OCA2: variants seen among roughly 807,000 people sequenced by gnomAD.
OCA2 encodes P protein.
A neutral mutation model predicts 100.2 loss-of-function variants in OCA2; 77 were observed. The observed-to-expected ratio is 0.77, with a 90% CI of 0.64 to 0.93. OCA2 has a LOEUF of 0.93. OCA2 is among the 40% of genes least tolerant of loss of function. The probability of loss-of-function intolerance (pLI) is 0.00; values close to 1 mark genes in which losing one functional copy is unlikely to be tolerated. For synonymous variants in OCA2, 432 were observed against 439.2 expected (o/e 0.98, Z 0.21); for missense variants, 1,062 against 1,089.1 (o/e 0.98, Z 0.35).
At chr15:27,924,542 G>A (rs1186290251) in intron 19 of OCA2, among the ~76,000 whole-genome samples, 1 of 152,008 alleles carries the variant, frequency 6.6e-6, no homozygotes, top group African/African-American at 2.4e-5. Flanking sequence ...GAGGACAAAT[G>A]GAGCTCTACT....
intron 23 of OCA2, among the ~76,000 whole-genome samples, chr15:27,842,483 CA>C (rs2035377258): frequency 6.6e-6 from 1 of 152,146 alleles, no homozygotes; most frequent in African/African-American, 2.4e-5. Flanking sequence ...AGATAAAAGT[CA>C]AATCAGTGCA....
intron 18 of OCA2, among the ~76,000 whole-genome samples, chr15:27,946,783 A>G (rs968063303): frequency 1.3e-5 from 2 of 152,232 alleles, no homozygotes; most frequent in African/African-American, 4.8e-5. Context: ...CAGGTCATTG[A>G]AACCAGAATC....
intron 14 of OCA2, among the ~76,000 whole-genome samples, chr15:27,982,573 C>T (rs1015492551): frequency 3.9e-5 from 6 of 152,142 alleles, no homozygotes; most frequent in Admixed American, 1.3e-4. Context: ...TTCCATGAAG[C>T]GGCCATTAAC....
intron 1 of OCA2, among the ~76,000 whole-genome samples, chr15:28,087,188 T>C (rs1003848028): frequency 6.6e-6 from 1 of 151,900 alleles, no homozygotes; most frequent in African/African-American, 2.4e-5. Flanking sequence ...AAGAGAGAAA[T>C]TAAAATGTCC....
At chr15:27,770,915 C>CTCCCTCCCTCTTTTTTCTTCCT in intron 23 of OCA2, among the ~76,000 whole-genome samples, 1 of 111,390 alleles carries the variant, frequency 9.0e-6, no homozygotes, top group Non-Finnish European at 1.8e-5. Flanking sequence ...TCCTTCCCTC[C>CTCCCTCCCTCTTTTTTCTTCCT]TCCCTCCCTC....
downstream of OCA2, among the ~76,000 whole-genome samples, chr15:27,750,938 C>T (rs1270516540): frequency 6.6e-6 from 1 of 152,110 alleles, no homozygotes; most frequent in Non-Finnish European, 1.5e-5. Context: ...GCTTCCCAGA[C>T]CTGAGAGTGT....
chr15:28,068,187 C>T (rs114385276), intron 2 of OCA2, among the ~76,000 whole-genome samples: 214 of 152,220 alleles, frequency 1.4e-3, no homozygotes, highest in African/African-American at 4.9e-3. Context: ...GTAGATTTTA[C>T]TCCACCCTTT....
intron 14 of OCA2, among the ~76,000 whole-genome samples, chr15:27,981,378 T>C (rs74956255): frequency 0.01 from 1,590 of 152,326 alleles, 33 homozygotes; most frequent in African/African-American, 0.037. Flanking sequence ...TAATCAGTGA[T>C]TGGTTGCCAG....
intron 4 of OCA2, among the ~76,000 whole-genome samples, chr15:28,027,205 C>A (rs911601095): frequency 4.6e-5 from 7 of 152,206 alleles, no homozygotes; most frequent in African/African-American, 1.4e-4. Flanking sequence ...CCCACGCATG[C>A]GCGCCCTAGG....
chr15:27,887,850 A>C (rs1304430827), intron 19 of OCA2, among the ~76,000 whole-genome samples: 7 of 151,516 alleles, frequency 4.6e-5, no homozygotes, highest in Non-Finnish European at 1.0e-4. Context: ...CCCCCTGTCA[A>C]GTAAGATTAA....
At chr15:27,988,032 C>T (rs953459864) in intron 11 of OCA2, among the ~76,000 whole-genome samples, 3 of 152,096 alleles carry the variant, frequency 2.0e-5, no homozygotes, top group Non-Finnish European at 4.4e-5. Flanking sequence ...CGTGGGGCTT[C>T]GCACACCAAT....
intron 14 of OCA2, among the ~76,000 whole-genome samples, chr15:27,983,141 A>C (rs908317017): frequency 4.6e-5 from 7 of 152,216 alleles, no homozygotes; most frequent in African/African-American, 1.7e-4. Flanking sequence ...GATCAGAATG[A>C]GTATGAAGTC....
chr15:28,081,799 T>C lies in OCA2; in HGVS notation c.76A>G (p.Ser26Gly), dbSNP rs2044638433. 3 of 1,612,616 alleles carry C rather than the reference T, an allele frequency of 1.9e-6. No individual in the cohort carries two copies. Among genetic ancestry groups the C allele is most frequent in the Non-Finnish European group, 8.5e-7 (1 of 1,179,842 alleles). The change falls in exon 2 of 24, where the codon AGC becomes GGC. Residue 26 changes from serine to glycine, a missense_variant. By Grantham distance (56) the Ser-to-Gly change is moderately conservative. Transcript: ENST00000354638. ...CCGGCCACAAGTTCAGCGAGTCCGC[T>C]GGGCACGGACGTCTGCAGGAGCTCC... ...AVELLQTSVP[S>G]GLAELVAGKR...
At chr15:27,733,910 C>T in the OCA2 span, among the ~76,000 whole-genome samples, 1 of 151,552 alleles carries the variant, frequency 6.6e-6, no homozygotes. Context: ...ACCTGTAATC[C>T]CAGCACTTTG....
At chr15:28,081,299 A>G (rs576018835) in intron 2 of OCA2, among the ~76,000 whole-genome samples, 27 of 151,986 alleles carry the variant, frequency 1.8e-4, no homozygotes, top group Non-Finnish European at 2.6e-4. Flanking sequence ...GAAAAACAAT[A>G]CTCAGTTAAT....
chr15:28,011,612 C>G (rs1469599212), intron 9 of OCA2, among the ~76,000 whole-genome samples: 1 of 151,956 alleles, frequency 6.6e-6, no homozygotes, highest in African/African-American at 2.4e-5. Flanking sequence ...ACCCAAACCG[C>G]AATCTATAAC....
At chr15:27,894,836 A>G (rs2037619854) in intron 19 of OCA2, among the ~76,000 whole-genome samples, 1 of 152,176 alleles carries the variant, frequency 6.6e-6, no homozygotes, top group African/African-American at 2.4e-5. Context: ...TCCCAACCCA[A>G]AAGTCATGTG....
the OCA2 span, among the ~76,000 whole-genome samples, chr15:27,738,697 C>T: frequency 0.44 from 65,567 of 148,280 alleles, 14,882 homozygotes; most frequent in East Asian, 0.66. Flanking sequence ...ATCGCGCCAC[C>T]GCACTCCAGC....
At chr15:27,894,300 T>C (rs904257635) in intron 19 of OCA2, among the ~76,000 whole-genome samples, 1 of 152,198 alleles carries the variant, frequency 6.6e-6, no homozygotes, top group Non-Finnish European at 1.5e-5. Context: ...CCCAGTGACT[T>C]TGTCACAGCC....
Sources: allele counts gnomAD v4.1 joint callset (sites outside exome capture counted in the v4.1 genomes callset), GRCh38; gene constraint gnomAD v4.1.1; transcripts MANE v1.5; gene names NCBI Gene and HGNC (gene_info 2026-07-23, HGNC 2026-07-21).